The following CSMD2 variants were observed in gnomAD, a reference collection of about 807,000 sequenced individuals.
CSMD2 encodes the protein CUB and Sushi multiple domains 2, also known as CUB and sushi domain-containing protein 2.
A neutral mutation model predicts 398.5 loss-of-function variants in CSMD2; 130 were observed. The observed-to-expected ratio is 0.33, with a 90% CI of 0.28 to 0.38. The LOEUF (loss-of-function observed/expected upper bound fraction) is 0.38, where lower values mean the gene tolerates loss of function less well. CSMD2 is among the 10% of genes least tolerant of loss of function. The probability of loss-of-function intolerance (pLI) is 1.00; values close to 1 mark genes in which losing one functional copy is unlikely to be tolerated. For missense variants in CSMD2, 3,829 were observed against 4,764.9 expected (o/e 0.80, Z 5.78); for synonymous variants, 1,828 against 1,908.5 (o/e 0.96, Z 1.10).
Position 33,918,079 on chromosome 1 carries a change from T to C in CSMD2, c.920+15A>G. ...CAGAGAATAGGGTAGGAAAGGAAGG[T>C]GATGTTGTGCTTACCAGAGGGAGGA... On this transcript the variant is annotated intron_variant, in intron 5 of 70. Transcript: ENST00000373381. 6.2e-7 allele frequency: 1 copy of C among 1,609,844 alleles called. No individual in the cohort carries two copies.
intron 44 of CSMD2, among the ~76,000 whole-genome samples, chr1:33,589,763 C>A (rs1639306862): frequency 6.6e-6 from 1 of 152,134 alleles, no homozygotes; most frequent in African/African-American, 2.4e-5. Context: ...GAAGGTCTAG[C>A]TATGAAAGAC....
chr1:33,795,383 C>T lies in CSMD2; in HGVS notation c.1447-2857G>A, dbSNP rs533469021. Among the ~76,000 whole-genome samples the T allele has an allele frequency of 3.9e-5, 6 of 152,312 alleles. No homozygotes were observed. In the East Asian group the frequency reaches 1.2e-3, roughly 29 times the overall value. The stretch of plus-strand genomic sequence containing the variant: ...GCTGGGATCTCCCACCCATCTCTCA[C>T]ACTCCACACTCCTGCTTTACAGAAC... On this transcript the variant is annotated intron_variant, in intron 10 of 70. Coordinates refer to ENST00000373381, the MANE Select transcript of CSMD2 (RefSeq NM_001281956.2).
At position 33,691,800 on chromosome 1, in the gene CSMD2, T is replaced by C. The variant is rs548615344; in HGVS notation, c.4052+1130A>G. Among the ~76,000 whole-genome samples, 4 of 152,316 alleles carry C rather than the reference T, an allele frequency of 2.6e-5. No individual in the cohort carries two copies. The South Asian group carries it at 6.2e-4, about 24-fold the overall frequency. On this transcript the variant is annotated intron_variant, in intron 25 of 70. Transcript: ENST00000373381. ...GATGGTCCATAACCAGGCTATACTT[T>C]ACCCCTATCTATCTCCCATTCCTTA... is the stretch of plus-strand genomic sequence containing the variant.
intron 5 of CSMD2, among the ~76,000 whole-genome samples, chr1:33,894,847 A>G (rs1013937637): frequency 6.6e-6 from 1 of 152,110 alleles, no homozygotes; most frequent in Non-Finnish European, 1.5e-5. Context: ...CATCCGGGTC[A>G]CTGACTGGGT....
intron 12 of CSMD2, among the ~76,000 whole-genome samples, chr1:33,783,209 G>T (rs1460217007): frequency 2.0e-5 from 3 of 152,096 alleles, no homozygotes; most frequent in African/African-American, 7.2e-5. Context: ...AGGTGTGGGG[G>T]CAGAGATGGC....
intron 42 of CSMD2, 144 bp downstream of exon 42, chr1:33,605,138 A>G (rs1640501419): frequency 1.0e-5 from 8 of 774,424 alleles, no homozygotes; most frequent in Admixed American, 5.3e-5. Context: ...GGGCCACACC[A>G]TGTGAAAACA....
At position 34,113,617 on chromosome 1, in the gene CSMD2, G is replaced by A. The variant is rs571768403; in HGVS notation, c.188-24424C>T. Among the ~76,000 whole-genome samples the A allele has an allele frequency of 5.9e-5, 9 of 152,272 alleles. No homozygotes were observed. In the East Asian group the frequency reaches 1.7e-3, roughly 29 times the overall value. The stretch of plus-strand genomic sequence containing the variant: ...CAGTGGGGGAAAGGTGCCTGGAGGA[G>A]GTGCCAGGGGCTTGGGAGTGACATC... On this transcript the variant is annotated intron_variant, in intron 1 of 70. Transcript: ENST00000373381.
rs188739629 is a variant in CSMD2 at position 33,787,071 on chromosome 1, C to T, written c.1663+1529G>A. Among the ~76,000 whole-genome samples, 499 of 152,256 alleles carry T rather than the reference C, an allele frequency of 3.3e-3. 1 individual carries two copies. The highest frequency in any genetic ancestry group is 5.9e-3 in the Non-Finnish European group (399 of 68,014). On this transcript the variant is annotated intron_variant, in intron 12 of 70. Coordinates refer to ENST00000373381, the MANE Select transcript of CSMD2 (RefSeq NM_001281956.2). ...CTTATAAGAAGAGGACAGAGAGACA[C>T]ACAGGAAGGTTGTGTGATGACAAAG...
At chr1:33,761,142 C>A (rs1018721915) in intron 13 of CSMD2, among the ~76,000 whole-genome samples, 1 of 152,182 alleles carries the variant, frequency 6.6e-6, no homozygotes, top group African/African-American at 2.4e-5. Flanking sequence ...GTACCTGGTA[C>A]TGAACAGCCC....
chr1:33,533,168 G>A lies in CSMD2; in HGVS notation c.10053C>T (p.Pro3351=), dbSNP rs748996754. 7 of 1,614,102 alleles carry A rather than the reference G, an allele frequency of 4.3e-6. No individual in the cohort carries two copies. Among genetic ancestry groups the A allele is most frequent in the African/African-American group, 1.3e-5 (1 of 75,068 alleles). ...AGTAGATGAGCGTGTAGCCCATGGAGGGCAAATCCAGGGCCCCGACGTTGG... is the reference window on the plus strand; with the variant it reads ...AGTAGATGAGCGTGTAGCCCATGGAAGGCAAATCCAGGGCCCCGACGTTGG... ...THANVGALDL[P]SMGYTLIYSC... Residue 3351 remains proline, a synonymous_variant, in exon 64 of 71, where the codon CCC becomes CCT. Transcript: ENST00000373381. This position sits in a 1 kb window ranked among gnomAD's most constrained non-coding sequence, Gnocchi z 4.2.
chr1:33,543,471 T>C (rs1290815133), intron 57 of CSMD2, among the ~76,000 whole-genome samples: 1 of 152,264 alleles, frequency 6.6e-6, no homozygotes, highest in East Asian at 1.9e-4. Flanking sequence ...TTCCGCCTTT[T>C]GGCAATGGTA....
chr1:34,131,354 G>T (rs1663331937), intron 1 of CSMD2, among the ~76,000 whole-genome samples: 1 of 151,994 alleles, frequency 6.6e-6, no homozygotes, highest in Non-Finnish European at 1.5e-5. Context: ...GAGAGGGGGG[G>T]GTCTTAATTT....
intron 37 of CSMD2, among the ~76,000 whole-genome samples, chr1:33,620,810 T>TTC (rs1339899667): frequency 2.0e-5 from 3 of 148,026 alleles, no homozygotes; most frequent in Non-Finnish European, 4.5e-5. Context: ...CTGGGTCTTT[T>TTC]TTTTTTTTTT....
chr1:34,041,547 T>C (rs1376516630), intron 2 of CSMD2, among the ~76,000 whole-genome samples: 7 of 152,220 alleles, frequency 4.6e-5, no homozygotes, highest in Admixed American at 4.6e-4. Context: ...TTTGTGCCCA[T>C]GTTTGAGAAC....
chr1:34,081,929 G>A lies in CSMD2; in HGVS notation c.404+7048C>T, dbSNP rs145199021. Among the ~76,000 whole-genome samples, 767 of 151,232 alleles carry A rather than the reference G, an allele frequency of 5.1e-3. 8 individuals are homozygous for A. Among genetic ancestry groups the A allele is most frequent in the East Asian group, 0.047 (233 of 4,952 alleles). On this transcript the variant is annotated intron_variant, in intron 2 of 70. Coordinates refer to ENST00000373381, the MANE Select transcript of CSMD2 (RefSeq NM_001281956.2). ...TGGGAAGTGAGGAGCGTCTCTTCCC[G>A]GCCGCCACCCCGTCTAGGAAGTGAG... is the stretch of plus-strand genomic sequence containing the variant.
chr1:33,676,310 C>T (rs1644709338), intron 25 of CSMD2, among the ~76,000 whole-genome samples: 1 of 152,084 alleles, frequency 6.6e-6, no homozygotes, highest in Non-Finnish European at 1.5e-5. Context: ...TCCTATACAC[C>T]AATAACAGAC....
At chr1:34,034,380 TC>T (rs1650851130) in intron 2 of CSMD2, among the ~76,000 whole-genome samples, 1 of 152,076 alleles carries the variant, frequency 6.6e-6, no homozygotes, top group Admixed American at 6.5e-5. Context: ...TCATTCCGAG[TC>T]CTTCTATGGG....
chr1:34,131,900 C>T (rs778394020), intron 1 of CSMD2, among the ~76,000 whole-genome samples: 7 of 152,094 alleles, frequency 4.6e-5, no homozygotes, highest in South Asian at 2.1e-4. Context: ...TACTTCTGAG[C>T]GCTCACTCGG....
intron 2 of CSMD2, among the ~76,000 whole-genome samples, chr1:34,075,371 C>T (rs1440013714): frequency 6.6e-6 from 1 of 152,250 alleles, no homozygotes; most frequent in Non-Finnish European, 1.5e-5. Flanking sequence ...ATCCAAAAAA[C>T]AGGTCCTTTG....
Sources: gnomAD v4.1 joint callset for allele counts (sites outside exome capture counted in the v4.1 genomes callset) on GRCh38, gnomAD v4.1.1 for gene constraint, Gnocchi (gnomAD v3.1) non-coding constraint, MANE v1.5 for transcripts, NCBI Gene and HGNC (gene_info 2026-07-23, HGNC 2026-07-21) for gene names.